Variants in CREB5 observed in about 807,000 individuals in gnomAD.
The protein encoded by CREB5 is cAMP responsive element binding protein 5.
In CREB5, 19 loss-of-function variants were observed where a neutral mutation model predicts 57.1. The observed-to-expected ratio is 0.33, with a 90% confidence interval of 0.23 to 0.49. The LOEUF (loss-of-function observed/expected upper bound fraction) is 0.49. Ranked by LOEUF, CREB5 falls within the 20% of genes least tolerant of loss-of-function variation. The pLI, the probability that CREB5 is intolerant of heterozygous loss-of-function variation, is 0.99. For synonymous variants in CREB5, 238 were observed against 238.3 expected (o/e 1.00, Z 0.01); for missense variants, 579 against 671.6 (o/e 0.86, Z 1.52).
At chr7:28,539,617 A>G (rs975278117) in intron 4 of CREB5, among the ~76,000 whole-genome samples, 2 of 152,236 alleles carry the variant, frequency 1.3e-5, no homozygotes, top group Non-Finnish European at 2.9e-5. Flanking sequence ...TGTGGTTGAC[A>G]TCATTTTCAG....
At position 28,370,635 on chromosome 7, in the gene CREB5, C is replaced by A. The variant is rs373321141; in HGVS notation, c.-25+71194C>A. The stretch of plus-strand genomic sequence containing the variant: ...TAAATAATAATAAATAAGGTAGAAG[C>A]ACTTTGTAAATGATATAAAGTATAC... On this transcript the variant is annotated intron_variant, in intron 1 of 9. Coordinates refer to the CREB5 transcript ENST00000396299. 4.8e-4 allele frequency among the ~76,000 whole-genome samples: 73 copies of A among 152,194 alleles called. 1 individual carries two copies. The South Asian group carries it at 0.015, about 30-fold the overall frequency.
chr7:28,445,534 G>A (rs57122947), intron 1 of CREB5, among the ~76,000 whole-genome samples: 5,622 of 151,768 alleles, frequency 0.037, 390 homozygotes, highest in African/African-American at 0.13. Flanking sequence ...GGTCCCGGGA[G>A]CCAATATTCT....
chr7:28,739,643 A>G (rs1344719713), intron 7 of CREB5, among the ~76,000 whole-genome samples: 1 of 152,154 alleles, frequency 6.6e-6, no homozygotes, highest in East Asian at 1.9e-4. Flanking sequence ...AGCATATTCG[A>G]GTTTAGAGGA....
At chr7:28,756,228 G>C (rs1321920292) in intron 7 of CREB5, among the ~76,000 whole-genome samples, 1 of 152,012 alleles carries the variant, frequency 6.6e-6, no homozygotes, top group Non-Finnish European at 1.5e-5. Flanking sequence ...CCAAATGAAG[G>C]GCTTGCCATC....
At chr7:28,375,211 G>C (rs1292352502) in intron 1 of CREB5, among the ~76,000 whole-genome samples, 1 of 152,138 alleles carries the variant, frequency 6.6e-6, no homozygotes, top group Non-Finnish European at 1.5e-5. Flanking sequence ...TGTTCTGTTT[G>C]GTTATGGGAA....
chr7:28,742,548 A>G (rs1055018231), intron 7 of CREB5, among the ~76,000 whole-genome samples: 2 of 151,386 alleles, frequency 1.3e-5, no homozygotes, highest in Non-Finnish European at 2.9e-5. Context: ...CCTGGGCCAC[A>G]GAGCAAGACT....
intron 5 of CREB5, among the ~76,000 whole-genome samples, chr7:28,609,316 G>T (rs1427172768): frequency 1.3e-5 from 2 of 152,162 alleles, no homozygotes; most frequent in Non-Finnish European, 2.9e-5. Flanking sequence ...GTGCTGGGCT[G>T]CCTAAGTTCT....
rs1562797098 is a variant in CREB5 at position 28,560,839 on chromosome 7, TGTGTGCGC to T, written c.292-9520_292-9513del. ...GTGTGTGTGCGCGCGCGCGCGTGTG[TGTGTGCGC>T]GTGTGTGTGTGCGTGTGCCTGCGTG... On this transcript the variant is annotated intron_variant, in intron 4 of 10. Transcript: ENST00000357727. Among the ~76,000 whole-genome samples, 5 of 96,456 alleles carry T rather than the reference TGTGTGCGC, an allele frequency of 5.2e-5. No homozygotes were observed. The East Asian group carries it at 9.5e-4, about 18-fold the overall frequency. The allele number at this position is 96,456 out of a possible 152,430, so 63.3% of individuals were successfully genotyped here. A position where few individuals can be genotyped will look rare whatever the true frequency, so the allele number is the denominator to read the frequency against.
intron 1 of CREB5, among the ~76,000 whole-genome samples, chr7:28,424,432 A>C (rs773282344): frequency 9.2e-5 from 14 of 152,230 alleles, no homozygotes; most frequent in Non-Finnish European, 1.9e-4. Flanking sequence ...TAAACCTCAG[A>C]TAGATCCCTG....
chr7:28,797,510 C>T (rs760558270), intron 7 of CREB5, among the ~76,000 whole-genome samples: 2 of 152,092 alleles, frequency 1.3e-5, no homozygotes, highest in Non-Finnish European at 2.9e-5. Context: ...ACCTGGCGGA[C>T]TTATTTGAAG....
chr7:28,382,058 G>A (rs973763321), intron 1 of CREB5, among the ~76,000 whole-genome samples: 3 of 152,198 alleles, frequency 2.0e-5, no homozygotes, highest in African/African-American at 7.2e-5. Flanking sequence ...CTCAGTTCAA[G>A]GCGGAAGGCC....
chr7:28,516,403 C>A (rs1319783945), intron 4 of CREB5, among the ~76,000 whole-genome samples: 2 of 152,150 alleles, frequency 1.3e-5, no homozygotes, highest in Non-Finnish European at 2.9e-5. Context: ...TTTACTACAG[C>A]AACATGTGGT....
At chr7:28,319,766 C>T (rs1348576061) in intron 1 of CREB5, among the ~76,000 whole-genome samples, 1 of 152,068 alleles carries the variant, frequency 6.6e-6, no homozygotes, top group Admixed American at 6.5e-5. Flanking sequence ...AGTGTTATCC[C>T]ATGTGCTTGG....
intron 5 of CREB5, among the ~76,000 whole-genome samples, chr7:28,642,987 T>TACACACATACACACACACAC (rs1562544746): frequency 6.1e-4 from 60 of 98,400 alleles, no homozygotes; most frequent in African/African-American, 1.3e-3. Context: ...CACACACACA[T>TACACACATACACACACACAC]ACACACACAC....
At chr7:28,772,798 T>G (rs1806398886) in intron 7 of CREB5, among the ~76,000 whole-genome samples, 1 of 152,280 alleles carries the variant, frequency 6.6e-6, no homozygotes, top group Admixed American at 6.5e-5. Context: ...AGCTCACCTT[T>G]CCTGAGCAAG....
chr7:28,515,105 C>G (rs1792887939), intron 4 of CREB5, among the ~76,000 whole-genome samples: 2 of 152,138 alleles, frequency 1.3e-5, no homozygotes, highest in Admixed American at 1.3e-4. Context: ...CACATATGGA[C>G]ATGAATTAAT....
chr7:28,652,843 A>C (rs1210678981), intron 5 of CREB5, among the ~76,000 whole-genome samples: 2 of 152,190 alleles, frequency 1.3e-5, no homozygotes, highest in Non-Finnish European at 2.9e-5. Context: ...GCTGTCTTTT[A>C]AGTACAAGGA....
chr7:28,382,742 AC>A (rs912107706), intron 1 of CREB5, among the ~76,000 whole-genome samples: 10 of 151,356 alleles, frequency 6.6e-5, no homozygotes, highest in East Asian at 3.9e-4. Context: ...TATTCTCAAC[AC>A]CCCCCTCACC....
Position 28,804,403 on chromosome 7 carries a change from C to A in CREB5, c.907C>A (p.Pro303Thr), listed in dbSNP as rs759449695. 72 of 1,613,830 alleles carry A rather than the reference C, an allele frequency of 4.5e-5. No individual in the cohort carries two copies. The highest frequency in any genetic ancestry group is 5.6e-5 in the Non-Finnish European group (66 of 1,179,956). The change falls in exon 8 of 11, where the codon CCT (proline) becomes ACT (threonine). Residue 303 changes from proline (P) to threonine (T), a missense_variant. Around this residue, in one of 3 missense-constraint regions of CREB5, gnomAD observed 459 missense variants for 515.7 expected, o/e 0.89. Transcript: ENST00000357727. Reference sequence around the variant, plus strand: ...CCAGCACCCAGCACACCATCCTCACCCTCAACCCCATCACCAGCAGAACCA... The same window carrying A: ...CCAGCACCCAGCACACCATCCTCACACTCAACCCCATCACCAGCAGAACCA... Reference protein sequence around the residue: ...QHQHPAHHPHPQPHHQQNHPH... With the variant: ...QHQHPAHHPHTQPHHQQNHPH...
Sources: allele counts gnomAD v4.1 joint callset (sites outside exome capture counted in the v4.1 genomes callset), GRCh38; gene constraint gnomAD v4.1.1; regional missense constraint gnomAD v4.1.1; transcripts MANE v1.5; gene names NCBI Gene and HGNC (gene_info 2026-07-23, HGNC 2026-07-21).